The following AQR variants were observed in gnomAD, a reference collection of about 807,000 sequenced individuals.
AQR encodes the protein RNA helicase aquarius.
AQR carries 61 observed loss-of-function variants against 180.5 expected under a neutral mutation model. The ratio of observed to expected loss-of-function variants is 0.34; its 90% CI spans 0.28 to 0.42. The LOEUF (loss-of-function observed/expected upper bound fraction) is 0.42. Ranked by LOEUF, AQR falls within the 10% of genes least tolerant of loss-of-function variation. AQR has a pLI of 1.00. For missense variants in AQR, 1,281 were observed against 1,798.3 expected (o/e 0.71, Z 5.20); for synonymous variants, 551 against 588.8 (o/e 0.94, Z 0.93).
At chr15:34,886,121 GAA>G (rs1893056076) in intron 25 of AQR, among the ~76,000 whole-genome samples, 1 of 152,104 alleles carries the variant, frequency 6.6e-6, no homozygotes, top group Admixed American at 6.6e-5. Context: ...TTTATTTCTG[GAA>G]ATTTGAAGGA....
rs2140452920 is a variant in AQR, at chr15:34,852,778, A to G, written c.*4014T>C. 1 of 152,362 alleles carries G rather than the reference A, an allele frequency of 6.6e-6. No homozygotes were observed. The highest frequency in any genetic ancestry group is 2.4e-5 in the African/African-American group (1 of 41,586). The allele number at this position is 152,362 out of a possible 1,614,324, so 9.4% of individuals were successfully genotyped here. On this transcript the variant is annotated 3_prime_UTR_variant, in exon 35 of 35. Coordinates refer to ENST00000156471, the MANE Select transcript of AQR (RefSeq NM_014691.3). ...ATTTCTCAGAGTATTTTTCAAGAGT[A>G]GTATTTTCTGTAATATATGATGAAA... is the stretch of plus-strand genomic sequence containing the variant.
At chr15:34,946,578 T>TG (rs1203741907) in intron 5 of AQR, among the ~76,000 whole-genome samples, 2,288 of 111,182 alleles carry the variant, frequency 0.021, 50 homozygotes, top group Middle Eastern at 0.049. Flanking sequence ...GGGAGGGAGG[T>TG]GGGGGGGGTC....
At chr15:34,893,607 G>GCACGCA (rs1555423808) in intron 23 of AQR, 56 bp downstream of exon 23, 15,991 of 995,374 alleles carry the variant, frequency 0.016, 47 homozygotes, top group East Asian at 0.021. Flanking sequence ...GCGCATGCGT[G>GCACGCA]CACACACACA....
chr15:34,964,545 C>T, intron 1 of AQR: 3 of 557,642 alleles, frequency 5.4e-6, no homozygotes, highest in Non-Finnish European at 1.0e-5. Context: ...TCCAACCACC[C>T]TAGAGAAACA....
intron 1 of AQR, 22 bp downstream of exon 1, chr15:34,969,517 C>G: frequency 1.2e-6 from 2 of 1,613,152 alleles, no homozygotes; most frequent in Non-Finnish European, 1.7e-6. Context: ...CACTCACACA[C>G]ACCAGACTCG....
intron 13 of AQR, among the ~76,000 whole-genome samples, chr15:34,926,056 A>G (rs1893759123): frequency 6.6e-6 from 1 of 152,088 alleles, no homozygotes; most frequent in East Asian, 1.9e-4. Context: ...AGTCCCAGCT[A>G]CTCAGGAGGC....
rs372319866 is a variant in AQR, at chr15:34,932,415, C to A, written c.803G>T (p.Arg268Leu). ...ATCATCCAGGATGGTATTAAACCAG[C>A]GCCTTGTGGGTAGCAGGGCCTGGGA... is the stretch of plus-strand genomic sequence containing the variant. ...IDLEALLPTR[R>L]WFNTILDDSH... Residue 268 changes from arginine (R) to leucine (L), a missense_variant, in exon 11 of 35, where the codon CGC becomes CTC. Arg to Leu is a moderately radical substitution (Grantham distance 102). Coordinates refer to ENST00000156471, the MANE Select transcript of AQR (RefSeq NM_014691.3). The A allele has an allele frequency of 1.4e-5, 23 of 1,599,032 alleles. No individual in the cohort carries two copies. Among genetic ancestry groups the A allele is most frequent in the Non-Finnish European group, 1.9e-5 (22 of 1,175,466 alleles).
At chr15:34,872,533 G>A (rs888119999) in intron 30 of AQR, among the ~76,000 whole-genome samples, 5 of 152,060 alleles carry the variant, frequency 3.3e-5, no homozygotes. Context: ...AAACCAATAT[G>A]TAATGAAAAC....
At chr15:34,858,811 A>C (rs1192032033) in intron 34 of AQR, among the ~76,000 whole-genome samples, 1 of 152,246 alleles carries the variant, frequency 6.6e-6, no homozygotes, top group Non-Finnish European at 1.5e-5. Flanking sequence ...ATTTTGACTA[A>C]GATGACAAGC....
At chr15:34,928,082 C>T (rs1318657641) in intron 12 of AQR, among the ~76,000 whole-genome samples, 1 of 152,140 alleles carries the variant, frequency 6.6e-6, no homozygotes, top group Non-Finnish European at 1.5e-5. Flanking sequence ...AGGACAAAAA[C>T]ACTAATGCTC....
chr15:34,938,904 G>T, intron 8 of AQR, 91 bp from the exon 9 acceptor site: 2 of 858,164 alleles, frequency 2.3e-6, no homozygotes, highest in African/African-American at 3.4e-5. Flanking sequence ...TTCCAATATT[G>T]TTCAACTGTT....
chr15:34,939,861 A>G (rs141957454), intron 8 of AQR, among the ~76,000 whole-genome samples: 1 of 152,360 alleles, frequency 6.6e-6, no homozygotes, highest in East Asian at 1.9e-4. Context: ...GGAAATGGGT[A>G]CTACTGTCCA....
At chr15:34,957,930 C>A (rs992346610) in intron 3 of AQR, among the ~76,000 whole-genome samples, 1 of 152,100 alleles carries the variant, frequency 6.6e-6, no homozygotes, top group African/African-American at 2.4e-5. Flanking sequence ...ATAGCGGTGG[C>A]CGGGCGCAGT....
In AQR at chr15:34,937,209, TTG is replaced by T. The variant is rs1893957139; in HGVS notation, c.718+1526_718+1527del. 2.0e-5 allele frequency among the ~76,000 whole-genome samples: 3 copies of T among 151,958 alleles called. No homozygotes were observed. The South Asian group carries it at 6.2e-4, about 32-fold the overall frequency. On this transcript the variant is annotated intron_variant, in intron 9 of 34. Coordinates refer to ENST00000156471, the MANE Select transcript of AQR (RefSeq NM_014691.3). Reference sequence around the variant, plus strand: ...CCTGCCACTGCGCCTGGCTAATTTTTTGTCTTTTTAGTAGAAACGGGGTTTCA... The same window carrying T: ...CCTGCCACTGCGCCTGGCTAATTTTTTCTTTTTAGTAGAAACGGGGTTTCA...
At chr15:34,955,908 CA>C (rs71119992) in intron 3 of AQR, among the ~76,000 whole-genome samples, 3,270 of 68,224 alleles carry the variant, frequency 0.048, 45 homozygotes, top group African/African-American at 0.081. Flanking sequence ...AACTCCATCT[CA>C]AAAAAAAAAA....
rs1388408327 is a variant in AQR, at chr15:34,854,171, AAAG to A, written c.*2618_*2620del. Reference sequence around the variant, plus strand: ...CAGAATTTTGAAAAAAAAAAAAAAAAAAGAAGAAGAAATTCTAAATACTTGAAT... The same window carrying A: ...CAGAATTTTGAAAAAAAAAAAAAAAAAAGAAGAAATTCTAAATACTTGAAT... On this transcript the variant is annotated 3_prime_UTR_variant, in exon 35 of 35. Transcript: ENST00000156471. 7.3e-5 allele frequency: 11 copies of A among 151,226 alleles called. No homozygotes were observed. In the South Asian group the frequency reaches 1.5e-3, roughly 20 times the overall value. 9.4% of individuals were successfully genotyped at this position (151,226 alleles called of 1,614,324 possible).
chr15:34,956,584 G>A (rs1046412814), intron 3 of AQR, among the ~76,000 whole-genome samples: 4 of 152,006 alleles, frequency 2.6e-5, no homozygotes, highest in South Asian at 2.1e-4. Flanking sequence ...CCCAGGAGGC[G>A]GAGGTGGCAG....
Position 34,927,111 on chromosome 15 carries a change from G to A in AQR, c.1042C>T (p.Leu348Phe), listed in dbSNP as rs1893776960. Residue 348 changes from leucine to phenylalanine, a missense_variant, in exon 13 of 35, where the codon CTC becomes TTC. Physicochemically the swap from Leu to Phe is conservative, Grantham distance 22. Around this residue, in one of 9 missense-constraint regions of AQR, gnomAD observed 404 missense variants for 490.9 expected, o/e 0.82. Coordinates refer to ENST00000156471, the MANE Select transcript of AQR (RefSeq NM_014691.3). The stretch of plus-strand genomic sequence containing the variant: ...ACATTTGAGAGGGCAAAATCATAGA[G>A]TTCAGGAAAATGTGCAAAAGCAGCT... ...QRAAFAHFPE[L>F]YDFALSNVAE... 1.3e-6 allele frequency: 2 copies of A among 1,584,204 alleles called. No homozygotes were observed. The highest frequency in any genetic ancestry group is 2.7e-5 in the African/African-American group (2 of 73,960).
chr15:34,903,308 C>T (rs954495150), intron 19 of AQR, among the ~76,000 whole-genome samples: 3 of 152,054 alleles, frequency 2.0e-5, no homozygotes, highest in Admixed American at 2.0e-4. Context: ...TAGGAACTTT[C>T]TAATGTGATG....
Sources: allele counts gnomAD v4.1 joint callset (sites outside exome capture counted in the v4.1 genomes callset), GRCh38; gene constraint gnomAD v4.1.1; regional missense constraint gnomAD v4.1.1; transcripts MANE v1.5; gene names NCBI Gene and HGNC (gene_info 2026-07-23, HGNC 2026-07-21).